The following AFAP1 variants were observed in gnomAD, a reference collection of about 807,000 sequenced individuals.
AFAP1 encodes actin filament-associated protein 1.
Under a neutral mutation model 93.9 loss-of-function variants are expected in AFAP1, and 75 were observed. The ratio of observed to expected loss-of-function variants is 0.80; its 90% CI spans 0.66 to 0.97. The LOEUF (loss-of-function observed/expected upper bound fraction) is 0.97, where lower values mean the gene tolerates loss of function less well. Ranked by LOEUF, AFAP1 falls within the 50% of genes least tolerant of loss-of-function variation. The pLI is 0.00. For synonymous variants in AFAP1, 517 were observed against 430.7 expected, an observed-to-expected ratio of 1.20 and a Z score of -2.48; for missense variants, 1,201 against 1,050.8, an observed-to-expected ratio of 1.14 and a Z score of -1.98.
At chr4:7,854,380 C>G (rs1714802905) in intron 4 of AFAP1, among the ~76,000 whole-genome samples, 1 of 152,206 alleles carries the variant, frequency 6.6e-6, no homozygotes, top group Non-Finnish European at 1.5e-5. Flanking sequence ...GCAGCTGGCA[C>G]CCTCAGGGGC....
rs754461067 is a variant in AFAP1 at position 7,818,567 on chromosome 4, C to T, written c.822+509G>A. The stretch of plus-strand genomic sequence containing the variant: ...CAAAGTGCATGCAGAGCAGGGCCTG[C>T]GGCGTCACAGTGATGGGCTCCATAC... On this transcript the variant is annotated intron_variant, in intron 7 of 17. Coordinates refer to ENST00000420658, the MANE Select transcript of AFAP1 (RefSeq NM_001134647.2). 1.2e-3 allele frequency among the ~76,000 whole-genome samples: 190 copies of T among 152,244 alleles called. 2 individuals carry two copies. The highest frequency in any genetic ancestry group is 6.8e-3 in the Middle Eastern group (2 of 294).
At chr4:7,764,858 T>G (rs962143029) in intron 17 of AFAP1, among the ~76,000 whole-genome samples, 1 of 152,158 alleles carries the variant, frequency 6.6e-6, no homozygotes, top group African/African-American at 2.4e-5. Context: ...TCCCAGCACT[T>G]GGAGAGGCTG....
chr4:7,776,155 C>G (rs112654851), intron 14 of AFAP1: 11 of 152,308 alleles, frequency 7.2e-5, no homozygotes, highest in African/African-American at 2.6e-4. Context: ...AACTCCCAGG[C>G]CTTCCTGACT....
intron 1 of AFAP1, among the ~76,000 whole-genome samples, chr4:7,893,093 G>GC (rs1718564005): frequency 6.6e-6 from 1 of 152,136 alleles, no homozygotes; most frequent in South Asian, 2.1e-4. Flanking sequence ...CCGGTGCCGG[G>GC]GGGGCAGAAA....
chr4:7,915,775 C>G (rs996014687), intron 1 of AFAP1, among the ~76,000 whole-genome samples: 1 of 152,248 alleles, frequency 6.6e-6, no homozygotes, highest in South Asian at 2.1e-4. Context: ...TGCGGCAAGC[C>G]CCTCAATGGA....
chr4:7,834,128 C>CACACACACACAT (rs756961714), intron 6 of AFAP1, among the ~76,000 whole-genome samples: 2,230 of 119,268 alleles, frequency 0.019, 43 homozygotes, highest in African/African-American at 0.058. Flanking sequence ...CACACACACA[C>CACACACACACAT]ATATATACAA....
intron 1 of AFAP1, among the ~76,000 whole-genome samples, chr4:7,872,926 C>CTT (rs1166681967): frequency 2.0e-3 from 237 of 119,630 alleles, no homozygotes; most frequent in Admixed American, 3.1e-3. Context: ...GTTTTTTTTC[C>CTT]TTTTTTTTTT....
At chr4:7,868,804 G>A in intron 2 of AFAP1, 85 bp from the exon 3 acceptor site, 1 of 1,161,958 alleles carries the variant, frequency 8.6e-7, no homozygotes, top group Non-Finnish European at 1.3e-6. Flanking sequence ...CCTGAACCCT[G>A]TGTTGAACAC....
chr4:7,914,000 A>G (rs1423784957), intron 1 of AFAP1, among the ~76,000 whole-genome samples: 1 of 151,612 alleles, frequency 6.6e-6, no homozygotes, highest in Non-Finnish European at 1.5e-5. Flanking sequence ...AACATTTATC[A>G]TTTCTTTGTG....
At position 7,871,934 on chromosome 4, in the gene AFAP1, C is replaced by T. The variant is rs375557219; in HGVS notation, c.127+18G>A. ...AGACACTGTAAGAAGGAAAAGCAGG[C>T]GTCAGAATGAGACTCACCTTTGGAT... On this transcript the variant is annotated intron_variant, in intron 2 of 17. Transcript: ENST00000420658. 157 of 1,612,612 alleles carry T rather than the reference C, an allele frequency of 9.7e-5. No individual in the cohort carries two copies. The highest frequency in any genetic ancestry group is 1.2e-4 in the Non-Finnish European group (141 of 1,179,560).
chr4:7,902,425 G>A (rs565838525), intron 1 of AFAP1, among the ~76,000 whole-genome samples: 1 of 152,306 alleles, frequency 6.6e-6, no homozygotes, highest in Non-Finnish European at 1.5e-5. Context: ...AATCAGATTT[G>A]AGTGGTCCCT....
intron 6 of AFAP1, among the ~76,000 whole-genome samples, chr4:7,820,851 G>A (rs1349206975): frequency 6.6e-6 from 1 of 152,178 alleles, no homozygotes; most frequent in East Asian, 1.9e-4. Flanking sequence ...AGGCGCAGTG[G>A]CTCACACCTG....
chr4:7,898,983 T>TATATACAATACC (rs1718959911), intron 1 of AFAP1, among the ~76,000 whole-genome samples: 1 of 149,706 alleles, frequency 6.7e-6, no homozygotes, highest in African/African-American at 2.4e-5. Flanking sequence ...TATACAATGG[T>TATATACAATACC]ATTGTATATA....
chr4:7,902,470 G>A (rs1040963309), intron 1 of AFAP1, among the ~76,000 whole-genome samples: 11 of 152,158 alleles, frequency 7.2e-5, no homozygotes, highest in African/African-American at 9.7e-5. Flanking sequence ...GCCCTAGACT[G>A]AGAAGAAAAC....
At chr4:7,919,798 C>T (rs539795556) in intron 1 of AFAP1, among the ~76,000 whole-genome samples, 1 of 151,876 alleles carries the variant, frequency 6.6e-6, no homozygotes, top group Non-Finnish European at 1.5e-5. Context: ...TCCCTCCCCT[C>T]GCCCCACCCC....
At chr4:7,782,770 GAGA>G (rs2148987551) in intron 12 of AFAP1, among the ~76,000 whole-genome samples, 1 of 152,288 alleles carries the variant, frequency 6.6e-6, no homozygotes, top group East Asian at 1.9e-4. Flanking sequence ...TATAAAAATA[GAGA>G]AGACTTAAAA....
chr4:7,817,637 G>A (rs903951746), intron 7 of AFAP1, among the ~76,000 whole-genome samples: 5 of 151,806 alleles, frequency 3.3e-5, no homozygotes, highest in Admixed American at 3.3e-4. Context: ...ACAACTAATG[G>A]GGGGGGCAGT....
chr4:7,898,790 T>C (rs1718938956), intron 1 of AFAP1, among the ~76,000 whole-genome samples: 1 of 141,304 alleles, frequency 7.1e-6, no homozygotes, highest in African/African-American at 2.6e-5. Flanking sequence ...GTTTTGTCTT[T>C]CTGTGCTGGG....
rs545454445 is a variant in AFAP1, at chr4:7,848,235, G to A, written c.335-4885C>T. ...GGAGGGAGGGAGGGAGGGACGGATG[G>A]AGGGAGGAAGGGAGGGAGGGAAGGA... On this transcript the variant is annotated intron_variant, in intron 4 of 17. Transcript: ENST00000420658. Among the ~76,000 whole-genome samples, 469 of 142,298 alleles carry A rather than the reference G, an allele frequency of 3.3e-3. 3 individuals are homozygous for A. Among genetic ancestry groups the A allele is most frequent in the Non-Finnish European group, 5.7e-3 (370 of 65,262 alleles). 93.4% of individuals were successfully genotyped at this position (142,298 alleles called of 152,430 possible).
Sources: allele counts gnomAD v4.1 joint callset (sites outside exome capture counted in the v4.1 genomes callset), GRCh38; gene constraint gnomAD v4.1.1; transcripts MANE v1.5; gene names NCBI Gene and HGNC (gene_info 2026-07-23, HGNC 2026-07-21).